The following PDXK variants were observed in gnomAD, a reference collection of about 807,000 sequenced individuals.
PDXK encodes pyridoxal kinase.
In PDXK, 15 loss-of-function variants were observed where a neutral mutation model predicts 43.2. The observed-to-expected ratio is 0.35, with a 90% CI of 0.23 to 0.53. The LOEUF (loss-of-function observed/expected upper bound fraction) is 0.53, where lower values mean the gene tolerates loss of function less well. PDXK is among the 20% of genes least tolerant of loss of function. The probability of loss-of-function intolerance (pLI) is 0.92; values close to 1 mark genes in which losing one functional copy is unlikely to be tolerated. For missense variants in PDXK, 343 were observed against 417.0 expected (o/e 0.82, Z 1.54); for synonymous variants, 172 against 165.4 (o/e 1.04, Z -0.31).
intron 1 of PDXK, among the ~76,000 whole-genome samples, chr21:43,729,517 C>G (rs113294655): frequency 0.032 from 4,846 of 152,250 alleles, 128 homozygotes; most frequent in Non-Finnish European, 0.05. Context: ...GGGCATCAGC[C>G]GTGGGAGTGG....
At position 43,757,826 on chromosome 21, in the gene PDXK, C is replaced by T. The variant is rs1011654509; in HGVS notation, c.*1763C>T. The T allele has an allele frequency of 6.6e-6, 1 of 152,216 alleles. No individual in the cohort carries two copies. The highest frequency in any genetic ancestry group is 1.5e-5 in the Non-Finnish European group (1 of 68,072). 9.4% of individuals were successfully genotyped at this position (152,216 alleles called of 1,614,324 possible). On this transcript the variant is annotated 3_prime_UTR_variant, in exon 11 of 11. Coordinates refer to ENST00000291565, the MANE Select transcript of PDXK (RefSeq NM_003681.5). ...CCAGCAGGAAGGAGGATGGCTGTGT[C>T]CGGAGCCTGGCGGGGAGGCGGCCTC...
In PDXK at chr21:43,754,574, C is replaced by T. The variant is rs1031898335; in HGVS notation, c.759+855C>T. Among the ~76,000 whole-genome samples, 15 of 152,070 alleles carry T rather than the reference C, an allele frequency of 9.9e-5. No homozygotes were observed. The highest frequency in any genetic ancestry group is 3.6e-4 in the African/African-American group (15 of 41,400). Reference sequence around the variant, plus strand: ...GCTGTGCTCTGAGGTGGTCCCCAGCCCCTGGGCTCAGCCCCCAAAACTCCC... The same window carrying T: ...GCTGTGCTCTGAGGTGGTCCCCAGCTCCTGGGCTCAGCCCCCAAAACTCCC... On this transcript the variant is annotated intron_variant, in intron 9 of 10. Transcript: ENST00000291565. The surrounding 1 kb of genome is among the most constrained non-coding windows in gnomAD (Gnocchi z 5.5).
chr21:43,745,345 G>A (rs2083619936), intron 4 of PDXK, among the ~76,000 whole-genome samples: 5 of 151,880 alleles, frequency 3.3e-5, no homozygotes, highest in South Asian at 2.1e-4. Flanking sequence ...ACTTGAACCC[G>A]GGAGGCGGAG....
chr21:43,743,098 AC>A (rs2083566966), intron 3 of PDXK, among the ~76,000 whole-genome samples: 1 of 103,474 alleles, frequency 9.7e-6, no homozygotes, highest in Admixed American at 1.0e-4. Context: ...CCTCACCTGC[AC>A]CCACCTCCCT....
chr21:43,736,395 T>C (rs2083402488), intron 2 of PDXK, among the ~76,000 whole-genome samples: 2 of 152,140 alleles, frequency 1.3e-5, no homozygotes, highest in African/African-American at 4.8e-5. Context: ...GCTCACGCCC[T>C]GTGTGACCGG....
At chr21:43,739,898 C>T (rs1166984987) in intron 2 of PDXK, among the ~76,000 whole-genome samples, 2 of 151,208 alleles carry the variant, frequency 1.3e-5, no homozygotes, top group African/African-American at 2.4e-5. Flanking sequence ...CTACCCCTTA[C>T]CCCAAACCCC....
At position 43,723,291 on chromosome 21, in the gene PDXK, A is replaced by C. The variant is rs756343896; in HGVS notation, c.87+3910A>C. Among the ~76,000 whole-genome samples, 26 of 151,766 alleles carry C rather than the reference A, an allele frequency of 1.7e-4. No individual in the cohort carries two copies. Among genetic ancestry groups the C allele is most frequent in the Non-Finnish European group, 3.2e-4 (22 of 67,990 alleles). ...TGCCTCAGCCTCCTGAGTAGCTGGG[A>C]TTACAAGTATGCACCACCACACCTG... On this transcript the variant is annotated intron_variant, in intron 1 of 10. Coordinates refer to ENST00000291565, the MANE Select transcript of PDXK (RefSeq NM_003681.5). The surrounding 1 kb of genome is among the most constrained non-coding windows in gnomAD (Gnocchi z 4.1).
intron 1 of PDXK, among the ~76,000 whole-genome samples, chr21:43,726,270 CTTTTTTTTTTT>C (rs1182376121): frequency 4.3e-5 from 5 of 116,810 alleles, no homozygotes; most frequent in Admixed American, 8.8e-5. Flanking sequence ...TTTTCTTTTT[CTTTTTTTTTTT>C]TTTTTTTTTG....
chr21:43,742,521 C>T (rs1416712733), intron 3 of PDXK, among the ~76,000 whole-genome samples: 1 of 152,170 alleles, frequency 6.6e-6, no homozygotes, highest in Non-Finnish European at 1.5e-5. Context: ...AAACACTTAG[C>T]CTCCCAAAGT....
At chr21:43,736,170 G>C (rs1266659848) in intron 2 of PDXK, among the ~76,000 whole-genome samples, 2 of 152,186 alleles carry the variant, frequency 1.3e-5, no homozygotes, top group African/African-American at 4.8e-5. Flanking sequence ...AGGGCTAGAG[G>C]TGCTTATTTT....
chr21:43,741,945 G>C (rs2083541705), intron 3 of PDXK, among the ~76,000 whole-genome samples, 174 bp downstream of exon 3: 1 of 152,040 alleles, frequency 6.6e-6, no homozygotes, highest in African/African-American at 2.4e-5. Flanking sequence ...GGGGGTCCTG[G>C]CCACACTATG....
At chr21:43,744,788 C>T (rs894214519) in intron 4 of PDXK, 1 of 152,252 alleles carries the variant, frequency 6.6e-6, no homozygotes, top group African/African-American at 2.4e-5. Context: ...TAGCTGAACA[C>T]AGACTCAAGC....
chr21:43,746,039 C>T, intron 4 of PDXK, 40 bp from the exon 5 acceptor site: 1 of 1,526,902 alleles, frequency 6.5e-7, no homozygotes, highest in Non-Finnish European at 9.1e-7. Context: ...TACTCGTCAG[C>T]TGTAGCCTTT....
intron 4 of PDXK, chr21:43,744,770 A>T (rs756553670): frequency 1.2e-4 from 19 of 152,402 alleles, no homozygotes; most frequent in Non-Finnish European, 2.5e-4. Context: ...CTGCGCATGT[A>T]TCCGAAATAG....
At position 43,735,179 on chromosome 21, in the gene PDXK, G is replaced by T. The variant is rs963255502; in HGVS notation, c.142+1056G>T. Reference sequence around the variant, plus strand: ...ACTGGGTGCTGTGAGATTTGGAGACGTCCCCGAAGACTCAGGCCCTCCAGG... The same window carrying T: ...ACTGGGTGCTGTGAGATTTGGAGACTTCCCCGAAGACTCAGGCCCTCCAGG... On this transcript the variant is annotated intron_variant, in intron 2 of 10. Coordinates refer to ENST00000291565, the MANE Select transcript of PDXK (RefSeq NM_003681.5). The surrounding 1 kb of genome is among the most constrained non-coding windows in gnomAD (Gnocchi z 5.3). Among the ~76,000 whole-genome samples, 3 of 152,206 alleles carry T rather than the reference G, an allele frequency of 2.0e-5. No homozygotes were observed. The highest frequency in any genetic ancestry group is 7.2e-5 in the African/African-American group (3 of 41,444).
chr21:43,727,169 C>T (rs1285873375), intron 1 of PDXK, among the ~76,000 whole-genome samples: 1 of 152,214 alleles, frequency 6.6e-6, no homozygotes, highest in Non-Finnish European at 1.5e-5. Context: ...GGCATTGTGG[C>T]TTGTTGGCCT....
rs1040401372 is a variant in PDXK, at chr21:43,735,996, G to C, written c.142+1873G>C. Among the ~76,000 whole-genome samples the C allele has an allele frequency of 6.6e-6, 1 of 152,210 alleles. No homozygotes were observed. Among genetic ancestry groups the C allele is most frequent in the Non-Finnish European group, 1.5e-5 (1 of 68,032 alleles). On this transcript the variant is annotated intron_variant, in intron 2 of 10. Transcript: ENST00000291565. The surrounding 1 kb of genome is among the most constrained non-coding windows in gnomAD (Gnocchi z 5.3). ...CAAGACGGGGGACTCGGCCTCCTCCGTGCAGCCCCTCAGCCCCTCTGGGCT... is the reference window on the plus strand; with the variant it reads ...CAAGACGGGGGACTCGGCCTCCTCCCTGCAGCCCCTCAGCCCCTCTGGGCT...
At position 43,756,333 on chromosome 21, in the gene PDXK, A is replaced by G. The variant is rs936153719; in HGVS notation, c.*270A>G. 640 of 333,046 alleles carry G rather than the reference A, an allele frequency of 1.9e-3. 6 individuals carry two copies. Among genetic ancestry groups the G allele is most frequent in the Non-Finnish European group, 3.2e-4 (56 of 174,816 alleles). 20.6% of individuals were successfully genotyped at this position (333,046 alleles called of 1,614,324 possible). On this transcript the variant is annotated 3_prime_UTR_variant, in exon 11 of 11. Coordinates refer to ENST00000291565, the MANE Select transcript of PDXK (RefSeq NM_003681.5). ...CCGGGAAGACGGGCCCCTGTTTGCCATCTCGGGGGTGTTCCCTGTGGGAGG... is the reference window on the plus strand; with the variant it reads ...CCGGGAAGACGGGCCCCTGTTTGCCGTCTCGGGGGTGTTCCCTGTGGGAGG...
intron 1 of PDXK, among the ~76,000 whole-genome samples, chr21:43,724,755 C>T (rs2083237257): frequency 6.6e-6 from 1 of 151,442 alleles, no homozygotes; most frequent in Non-Finnish European, 1.5e-5. Flanking sequence ...GTGGGAGGAT[C>T]ACCTGATCCC....
Sources: gnomAD v4.1 joint callset for allele counts (sites outside exome capture counted in the v4.1 genomes callset) on GRCh38, gnomAD v4.1.1 for gene constraint, Gnocchi (gnomAD v3.1) non-coding constraint, MANE v1.5 for transcripts, NCBI Gene and HGNC (gene_info 2026-07-23, HGNC 2026-07-21) for gene names.